Variants in TAF2 observed in about 807,000 individuals in gnomAD.
TAF2 encodes TATA-box binding protein associated factor 2, also known as transcription initiation factor TFIID subunit 2.
In TAF2, 61 loss-of-function variants were observed where a neutral mutation model predicts 138.5. The observed-to-expected ratio is 0.44, with a 90% CI of 0.36 to 0.54. TAF2 has a LOEUF of 0.54. Ranked by LOEUF, TAF2 falls within the 20% of genes least tolerant of loss-of-function variation. TAF2 has a pLI of 0.00. For missense variants in TAF2, 1,090 were observed against 1,427.9 expected (o/e 0.76, Z 3.81); for synonymous variants, 475 against 469.9 (o/e 1.01, Z -0.14).
At chr8:119,773,960 A>C (rs927465957) in intron 18 of TAF2, among the ~76,000 whole-genome samples, 1 of 151,692 alleles carries the variant, frequency 6.6e-6, no homozygotes, top group Non-Finnish European at 1.5e-5. Context: ...TCACGAGGTC[A>C]GGAGATCGAG....
At chr8:119,783,962 TATATGAGGCAAAAAAAGAATGAG>T in intron 15 of TAF2, among the ~76,000 whole-genome samples, 1 of 152,348 alleles carries the variant, frequency 6.6e-6, no homozygotes, top group African/African-American at 2.4e-5. Context: ...GATTTGTGAT[TATATGAGGCAAAAAAAGAATGAG>T]ATGAATTTCT....
chr8:119,812,442 A>C (rs929980774), intron 3 of TAF2, among the ~76,000 whole-genome samples: 1 of 151,944 alleles, frequency 6.6e-6, no homozygotes. Flanking sequence ...AGTAGTGTAC[A>C]TTGCACCCAA....
rs543241746 is a variant in TAF2 at position 119,761,171 on chromosome 8, C to G, written c.2559-433G>C. ...GGGTAACATTTATTATCTTTTATAC[C>G]GTATTTTTACCATACCTTTCATATG... On this transcript the variant is annotated intron_variant, in intron 19 of 25. Transcript: ENST00000378164. Among the ~76,000 whole-genome samples, 5 of 151,978 alleles carry G rather than the reference C, an allele frequency of 3.3e-5. No homozygotes were observed. The East Asian group carries it at 9.6e-4, about 29-fold the overall frequency.
In TAF2 at chr8:119,810,045, C is replaced by A. The variant is rs140305317; in HGVS notation, c.300-3644G>T. ...GTATCTGCGAGGCACAACAGAGCAA[C>A]AGAGCAAAGCACAATAAAGGAGGTA... On this transcript the variant is annotated intron_variant, in intron 3 of 25. Transcript: ENST00000378164. Among the ~76,000 whole-genome samples the A allele has an allele frequency of 5.4e-3, 749 of 139,686 alleles. 10 individuals are homozygous for A. The highest frequency in any genetic ancestry group is 0.028 in the Middle Eastern group (7 of 254). 91.6% of individuals were successfully genotyped at this position (139,686 alleles called of 152,430 possible).
intron 17 of TAF2, among the ~76,000 whole-genome samples, chr8:119,780,183 T>A (rs1027173329): frequency 6.6e-6 from 1 of 152,182 alleles, no homozygotes; most frequent in Non-Finnish European, 1.5e-5. Context: ...CCTCTATGTA[T>A]GATATCCAAA....
At chr8:119,823,939 A>C (rs1057167255) in intron 2 of TAF2, among the ~76,000 whole-genome samples, 46 of 152,190 alleles carry the variant, frequency 3.0e-4, no homozygotes, top group African/African-American at 1.1e-3. Flanking sequence ...TTTCGCATAG[A>C]GACTGGCAGC....
intron 2 of TAF2, among the ~76,000 whole-genome samples, chr8:119,829,398 G>A (rs1036362771): frequency 4.6e-5 from 7 of 152,004 alleles, no homozygotes; most frequent in East Asian, 1.9e-4. Flanking sequence ...TCCCCTTCCC[G>A]TTGTTGTTTC....
intron 22 of TAF2, among the ~76,000 whole-genome samples, chr8:119,748,278 T>C (rs924273100): frequency 3.3e-5 from 5 of 152,016 alleles, no homozygotes; most frequent in Non-Finnish European, 5.9e-5. Flanking sequence ...TATTAAACTT[T>C]GTGGTTTTCC....
At position 119,788,464 on chromosome 8, in the gene TAF2, G is replaced by T. The variant is rs118105771; in HGVS notation, c.1684-17C>A. 11 of 1,526,512 alleles carry T rather than the reference G, an allele frequency of 7.2e-6. No individual in the cohort carries two copies. The highest frequency in any genetic ancestry group is 3.4e-5 in the South Asian group (3 of 89,460). 94.6% of individuals were successfully genotyped at this position (1,526,512 alleles called of 1,614,324 possible). The stretch of plus-strand genomic sequence containing the variant: ...AAGTGGTCCCTTTTAAAAAAAAAAC[G>T]TACTGTTCAGAGATGTGATTTAAAA... On this transcript the variant is annotated splice_polypyrimidine_tract_variant and intron_variant, in intron 13 of 25. Coordinates refer to ENST00000378164, the MANE Select transcript of TAF2 (RefSeq NM_003184.4).
intron 14 of TAF2, among the ~76,000 whole-genome samples, chr8:119,785,561 T>C (rs1822954992): frequency 6.6e-6 from 1 of 152,140 alleles, no homozygotes; most frequent in Non-Finnish European, 1.5e-5. Flanking sequence ...TGCAATTTTG[T>C]ATAGAAAAGG....
At chr8:119,792,332 T>C (rs1408040120) in intron 10 of TAF2, among the ~76,000 whole-genome samples, 3 of 151,884 alleles carry the variant, frequency 2.0e-5, no homozygotes, top group Non-Finnish European at 4.4e-5. Flanking sequence ...TTGTATTTTT[T>C]GGTAGAGATG....
chr8:119,813,086 T>C (rs1825208896), intron 3 of TAF2, among the ~76,000 whole-genome samples: 2 of 152,204 alleles, frequency 1.3e-5, no homozygotes, highest in Non-Finnish European at 2.9e-5. Context: ...TTTTACCATA[T>C]CCACGCCAAC....
intron 25 of TAF2, among the ~76,000 whole-genome samples, chr8:119,741,526 T>C (rs988703739): frequency 1.3e-5 from 2 of 152,202 alleles, no homozygotes; most frequent in African/African-American, 2.4e-5. Flanking sequence ...AAACATATTT[T>C]AGGTGAATCT....
rs1477736662 is a variant in TAF2 at position 119,731,993 on chromosome 8, G to A, written c.3531C>T (p.Asp1177=). 2 of 1,614,166 alleles carry A rather than the reference G, an allele frequency of 1.2e-6. No homozygotes were observed. Among genetic ancestry groups the A allele is most frequent in the Non-Finnish European group, 8.5e-7 (1 of 1,180,030 alleles). ...HKHKHDSKEK[D]KEPFTFSSPA... ...GGCTGGAGAAAGTGAAAGGCTCCTT[G>A]TCCTTTTCTTTACTGTCATGCTTAT... Residue 1177 remains aspartate (D), a synonymous_variant, in exon 26 of 26, where the codon GAC becomes GAT. Transcript: ENST00000378164.
intron 25 of TAF2, among the ~76,000 whole-genome samples, chr8:119,733,868 T>C (rs898227511): frequency 6.6e-6 from 1 of 152,022 alleles, no homozygotes; most frequent in Non-Finnish European, 1.5e-5. Context: ...TTATAGATAC[T>C]AGGTACTAGT....
chr8:119,747,309 T>C (rs984708696), intron 22 of TAF2, among the ~76,000 whole-genome samples: 2 of 152,192 alleles, frequency 1.3e-5, no homozygotes, highest in Non-Finnish European at 2.9e-5. Flanking sequence ...TTACATATAG[T>C]AAGAAACCAT....
At chr8:119,794,874 C>T (rs180941491) in intron 9 of TAF2, among the ~76,000 whole-genome samples, 45 of 151,938 alleles carry the variant, frequency 3.0e-4, no homozygotes, top group African/African-American at 8.9e-4. Flanking sequence ...AATGAGAATA[C>T]GGGGAAGATG....
chr8:119,756,731 T>C (rs550661433), intron 21 of TAF2, among the ~76,000 whole-genome samples: 20 of 152,288 alleles, frequency 1.3e-4, no homozygotes, highest in African/African-American at 4.1e-4. Context: ...AACTCCCCTA[T>C]TGGGAGTTTT....
chr8:119,812,537 C>T (rs1434753616), intron 3 of TAF2, among the ~76,000 whole-genome samples: 1 of 152,098 alleles, frequency 6.6e-6, no homozygotes, highest in East Asian at 1.9e-4. Flanking sequence ...TCTTCACATA[C>T]CCATAGCTTA....
Sources: gnomAD v4.1 joint callset for allele counts (sites outside exome capture counted in the v4.1 genomes callset) on GRCh38, gnomAD v4.1.1 for gene constraint, MANE v1.5 for transcripts, NCBI Gene and HGNC (gene_info 2026-07-23, HGNC 2026-07-21) for gene names.